The following CNTN6 variants were observed in gnomAD, a reference collection of about 807,000 sequenced individuals.
The protein encoded by CNTN6 is contactin-6.
A neutral mutation model predicts 122.8 loss-of-function variants in CNTN6; 137 were observed. That is an observed-to-expected ratio of 1.12 (90% confidence interval 0.97 to 1.29). CNTN6 has a LOEUF of 1.29. Among genes scored for constraint, CNTN6 ranks in the 50% most tolerant of loss-of-function variants. CNTN6 has a pLI of 0.00. For missense variants in CNTN6, 1,634 were observed against 1,223.4 expected, an observed-to-expected ratio of 1.34 and a Z score of -5.01; for synonymous variants, 570 against 426.0, an observed-to-expected ratio of 1.34 and a Z score of -4.16.
chr3:1,232,647 A>ACC, intron 4 of CNTN6, among the ~76,000 whole-genome samples: 1 of 152,288 alleles, frequency 6.6e-6, no homozygotes, highest in Middle Eastern at 3.4e-3. Context: ...AAAATCACAC[A>ACC]CCGTATGTGG....
chr3:1,141,540 T>C (rs1022975690), intron 1 of CNTN6, among the ~76,000 whole-genome samples: 1 of 152,176 alleles, frequency 6.6e-6, no homozygotes, highest in African/African-American at 2.4e-5. Context: ...CCAAAGCCTT[T>C]TAGTAGTAGT....
At chr3:1,360,956 GC>G (rs746230628) in intron 12 of CNTN6, among the ~76,000 whole-genome samples, 171 of 151,768 alleles carry the variant, frequency 1.1e-3, no homozygotes, top group Non-Finnish European at 1.9e-3. Context: ...ATATTCAATT[GC>G]CCCAAAATGG....
chr3:1,291,731 CTT>C (rs1695365123), intron 5 of CNTN6, among the ~76,000 whole-genome samples: 1 of 152,144 alleles, frequency 6.6e-6, no homozygotes, highest in South Asian at 2.1e-4. Flanking sequence ...TTGAGCATCT[CTT>C]TGGTGGAGAC....
At chr3:1,347,237 T>A (rs999501276) in intron 11 of CNTN6, among the ~76,000 whole-genome samples, 1 of 151,868 alleles carries the variant, frequency 6.6e-6, no homozygotes, top group African/African-American at 2.4e-5. Context: ...AGTCATACTA[T>A]ATCTACACAT....
intron 11 of CNTN6, among the ~76,000 whole-genome samples, chr3:1,333,379 C>T (rs1215259134): frequency 3.3e-5 from 5 of 152,018 alleles, no homozygotes; most frequent in Non-Finnish European, 7.4e-5. Flanking sequence ...TTTAATGCCA[C>T]ACCAGACTGA....
At chr3:1,185,048 G>GAT (rs538966357) in intron 2 of CNTN6, among the ~76,000 whole-genome samples, 118 of 152,156 alleles carry the variant, frequency 7.8e-4, no homozygotes, top group African/African-American at 2.7e-3. Context: ...TAAAAAATAA[G>GAT]ATATATATAC....
intron 20 of CNTN6, among the ~76,000 whole-genome samples, chr3:1,400,702 G>T (rs1695573556): frequency 6.6e-6 from 1 of 152,068 alleles, no homozygotes; most frequent in African/African-American, 2.4e-5. Context: ...TTTCTCAGGG[G>T]AACTCAAACT....
chr3:1,296,757 C>T (rs2125868722), intron 6 of CNTN6, among the ~76,000 whole-genome samples: 1 of 152,242 alleles, frequency 6.6e-6, no homozygotes, highest in Middle Eastern at 3.4e-3. Context: ...TAGACTTATT[C>T]CTAAGTCCAA....
chr3:1,185,023 A>G (rs1339505997), intron 2 of CNTN6, among the ~76,000 whole-genome samples: 1 of 152,170 alleles, frequency 6.6e-6, no homozygotes, highest in Non-Finnish European at 1.5e-5. Context: ...AAACAGTTCT[A>G]ACTACAAGAA....
chr3:1,367,584 T>C (rs1474374461), intron 12 of CNTN6, among the ~76,000 whole-genome samples: 1 of 152,074 alleles, frequency 6.6e-6, no homozygotes, highest in East Asian at 1.9e-4. Context: ...GTAACCTGTG[T>C]GTGCATGAGC....
At chr3:1,166,387 T>C (rs930655613) in intron 2 of CNTN6, among the ~76,000 whole-genome samples, 1 of 152,114 alleles carries the variant, frequency 6.6e-6, no homozygotes, top group Admixed American at 6.5e-5. Flanking sequence ...CTTCCTGCAT[T>C]TTGCCAAACA....
intron 1 of CNTN6, among the ~76,000 whole-genome samples, chr3:1,102,587 G>A (rs1047638037): frequency 2.7e-5 from 4 of 146,684 alleles, no homozygotes; most frequent in Non-Finnish European, 4.5e-5. Flanking sequence ...AAATGAGCCG[G>A]GCGTGGTGGC....
intron 19 of CNTN6, 56 bp from the exon 20 acceptor site, chr3:1,385,555 A>ATGAT (rs1692751254): frequency 2.9e-6 from 4 of 1,396,948 alleles, no homozygotes; most frequent in East Asian, 2.4e-5. Flanking sequence ...TTGGTAAAAA[A>ATGAT]TGATTGATAG....
chr3:1,287,482 G>T (rs920938392), intron 5 of CNTN6, among the ~76,000 whole-genome samples: 1 of 152,136 alleles, frequency 6.6e-6, no homozygotes, highest in Non-Finnish European at 1.5e-5. Context: ...AAAAAGAGAA[G>T]TCTAGTCCTC....
At chr3:1,308,476 G>A (rs1698715796) in intron 7 of CNTN6, among the ~76,000 whole-genome samples, 1 of 152,076 alleles carries the variant, frequency 6.6e-6, no homozygotes, top group Non-Finnish European at 1.5e-5. Context: ...GGTACTAGGT[G>A]TGCTTGTTGC....
At chr3:1,194,088 CTCTCTTTT>C (rs2093741478) in intron 2 of CNTN6, among the ~76,000 whole-genome samples, 1 of 151,966 alleles carries the variant, frequency 6.6e-6, no homozygotes, top group African/African-American at 2.4e-5. Context: ...TTCTGATCAC[CTCTCTTTT>C]TCTCACAAAT....
At chr3:1,160,991 G>T (rs2093120539) in intron 2 of CNTN6, among the ~76,000 whole-genome samples, 1 of 151,606 alleles carries the variant, frequency 6.6e-6, no homozygotes. Context: ...ATTACTTATG[G>T]TCTTGAGGTT....
At chr3:1,187,137 T>C (rs1218883499) in intron 2 of CNTN6, among the ~76,000 whole-genome samples, 1 of 152,166 alleles carries the variant, frequency 6.6e-6, no homozygotes, top group African/African-American at 2.4e-5. Context: ...ATTCATAGAC[T>C]TCCCACTGAT....
chr3:1,317,958 A>G (rs1314955589), intron 7 of CNTN6, among the ~76,000 whole-genome samples: 1 of 151,580 alleles, frequency 6.6e-6, no homozygotes, highest in African/African-American at 2.4e-5. Flanking sequence ...TCTTGTAACC[A>G]TCTTCAAAAT....
Sources: gnomAD v4.1 joint callset for allele counts (sites outside exome capture counted in the v4.1 genomes callset) on GRCh38, gnomAD v4.1.1 for gene constraint, MANE v1.5 for transcripts, NCBI Gene and HGNC (gene_info 2026-07-23, HGNC 2026-07-21) for gene names.